The following ZNF804B variants were observed in gnomAD, a reference collection of about 807,000 sequenced individuals.
The protein encoded by ZNF804B is zinc finger protein 804B, also known as zinc finger 804B.
In ZNF804B, 80 loss-of-function variants were observed where a neutral mutation model predicts 101.4. The ratio of observed to expected loss-of-function variants is 0.79; its 90% CI spans 0.66 to 0.95. The LOEUF is 0.95. ZNF804B is among the 40% of genes least tolerant of loss of function. The pLI is 0.00. For missense variants in ZNF804B, 1,673 were observed against 1,561.9 expected, an observed-to-expected ratio of 1.07 and a Z score of -1.20; for synonymous variants, 622 against 558.8, an observed-to-expected ratio of 1.11 and a Z score of -1.59.
At chr7:89,200,052 A>T (rs113946927) in intron 1 of ZNF804B, among the ~76,000 whole-genome samples, 1 of 151,264 alleles carries the variant, frequency 6.6e-6, no homozygotes, top group Non-Finnish European at 1.5e-5. Flanking sequence ...TGTGCTTTTC[A>T]TGTTTGAACT....
At position 89,204,700 on chromosome 7, in the gene ZNF804B, G is replaced by A. The variant is rs182171570; in HGVS notation, c.109-13455G>A. 3.6e-3 allele frequency among the ~76,000 whole-genome samples: 553 copies of A among 152,264 alleles called. 1 individual carries two copies. Among genetic ancestry groups the A allele is most frequent in the Middle Eastern group, 0.01 (3 of 294 alleles). On this transcript the variant is annotated intron_variant, in intron 1 of 3. Transcript: ENST00000333190. ...TGTAGTCATCATGTGGCATGGATTTGATTATTCTTATACCATACATTGTTT... is the reference window on the plus strand; with the variant it reads ...TGTAGTCATCATGTGGCATGGATTTAATTATTCTTATACCATACATTGTTT...
chr7:88,803,300 A>G (rs1790636906), intron 1 of ZNF804B, among the ~76,000 whole-genome samples: 1 of 152,176 alleles, frequency 6.6e-6, no homozygotes, highest in Non-Finnish European at 1.5e-5. Context: ...CATGAACCAA[A>G]TTGAACAAAG....
chr7:88,846,545 G>A (rs796894061), intron 1 of ZNF804B, among the ~76,000 whole-genome samples: 11 of 152,244 alleles, frequency 7.2e-5, no homozygotes, highest in African/African-American at 2.4e-4. Context: ...CTCAAGGCCT[G>A]GCACAGTCAG....
intron 1 of ZNF804B, chr7:88,794,183 A>G (rs1347939822): frequency 6.2e-7 from 1 of 1,601,564 alleles, no homozygotes; most frequent in African/African-American, 1.3e-5. Flanking sequence ...TCTCAATCCT[A>G]GAAACGTGAA....
chr7:88,911,958 T>C (rs1181041616), intron 1 of ZNF804B, among the ~76,000 whole-genome samples: 1 of 151,968 alleles, frequency 6.6e-6, no homozygotes, highest in African/African-American at 2.4e-5. Context: ...ACTTTTTTCC[T>C]GTGTATTTCC....
intron 2 of ZNF804B, among the ~76,000 whole-genome samples, chr7:89,290,313 C>T (rs562411591): frequency 6.6e-6 from 1 of 152,240 alleles, no homozygotes; most frequent in African/African-American, 2.4e-5. Context: ...TGAGAGAGAA[C>T]TTCTGCTTGA....
chr7:89,286,086 T>C (rs1047192390), intron 2 of ZNF804B, among the ~76,000 whole-genome samples: 1 of 152,178 alleles, frequency 6.6e-6, no homozygotes, highest in Non-Finnish European at 1.5e-5. Flanking sequence ...AAAGTTCTTT[T>C]GATGTTGAAA....
At chr7:88,904,672 G>A (rs1792441743) in intron 1 of ZNF804B, among the ~76,000 whole-genome samples, 1 of 151,852 alleles carries the variant, frequency 6.6e-6, no homozygotes, top group Non-Finnish European at 1.5e-5. Flanking sequence ...CATCTCTTTG[G>A]TTAGCTGTAT....
Position 89,171,288 on chromosome 7 carries a change from G to GCTGCTTCTT in ZNF804B, c.109-46865_109-46864insGCTTCTTCT, listed in dbSNP as rs1215246589. Among the ~76,000 whole-genome samples, 192 of 82,534 alleles carry GCTGCTTCTT rather than the reference G, an allele frequency of 2.3e-3. 1 individual carries two copies. The highest frequency in any genetic ancestry group is 5.8e-3 in the Admixed American group (50 of 8,562). 54.1% of individuals were successfully genotyped at this position (82,534 alleles called of 152,430 possible). On this transcript the variant is annotated intron_variant, in intron 1 of 3. Transcript: ENST00000333190. ...AGTAGGCACAAATAATGCTGCTGCT[G>GCTGCTTCTT]CTTCTTCTTCTTCTTCTTCTTCTTC...
chr7:88,945,663 C>T (rs1284905974), intron 1 of ZNF804B, among the ~76,000 whole-genome samples: 1 of 152,068 alleles, frequency 6.6e-6, no homozygotes, highest in Admixed American at 6.6e-5. Flanking sequence ...AGCATTAAAT[C>T]TATAAATTAC....
intron 2 of ZNF804B, among the ~76,000 whole-genome samples, chr7:89,228,949 G>A (rs1789142038): frequency 5.3e-5 from 8 of 152,186 alleles, no homozygotes; most frequent in Admixed American, 5.2e-4. Flanking sequence ...GAGAAATTGA[G>A]CACAGCAGCT....
intron 2 of ZNF804B, among the ~76,000 whole-genome samples, chr7:89,316,252 C>T (rs1053984035): frequency 3.3e-5 from 5 of 151,998 alleles, no homozygotes; most frequent in Admixed American, 2.0e-4. Flanking sequence ...TACTTGAACC[C>T]TAATAAAATT....
intron 1 of ZNF804B, among the ~76,000 whole-genome samples, chr7:89,138,637 G>A (rs569171249): frequency 1.8e-4 from 27 of 152,118 alleles, no homozygotes; most frequent in African/African-American, 6.5e-4. Flanking sequence ...GAAATAATAT[G>A]GTTTGGCTGT....
intron 1 of ZNF804B, among the ~76,000 whole-genome samples, chr7:88,787,663 A>T (rs1790322366): frequency 6.6e-6 from 1 of 152,176 alleles, no homozygotes; most frequent in African/African-American, 2.4e-5. Context: ...TAATCGTAAA[A>T]TACAGATCCT....
intron 1 of ZNF804B, among the ~76,000 whole-genome samples, chr7:88,807,154 G>T (rs1790704639): frequency 6.6e-6 from 1 of 152,186 alleles, no homozygotes; most frequent in Admixed American, 6.5e-5. Flanking sequence ...TATTTTAAGG[G>T]AAAACTAAAG....
At chr7:88,878,770 GATAA>G (rs1450639276) in intron 1 of ZNF804B, among the ~76,000 whole-genome samples, 7 of 152,052 alleles carry the variant, frequency 4.6e-5, no homozygotes, top group East Asian at 1.9e-4. Flanking sequence ...ATCTTAATGA[GATAA>G]ATAAATCAGT....
At chr7:89,034,327 A>G (rs1436917639) in intron 1 of ZNF804B, among the ~76,000 whole-genome samples, 1 of 152,056 alleles carries the variant, frequency 6.6e-6, no homozygotes. Context: ...GGTTTGTTAC[A>G]TAGGTATACA....
chr7:88,870,232 A>G (rs1218815710), intron 1 of ZNF804B, among the ~76,000 whole-genome samples: 1 of 150,756 alleles, frequency 6.6e-6, no homozygotes, highest in African/African-American at 2.5e-5. Flanking sequence ...TAAAAATACA[A>G]AAATTAGCCG....
intron 1 of ZNF804B, among the ~76,000 whole-genome samples, chr7:89,092,214 C>T (rs964946576): frequency 8.6e-5 from 13 of 151,362 alleles, no homozygotes; most frequent in East Asian, 2.0e-4. Flanking sequence ...GGTCTCTCTA[C>T]GGGCAGTAAT....
Sources: gnomAD v4.1 joint callset for allele counts (sites outside exome capture counted in the v4.1 genomes callset) on GRCh38, gnomAD v4.1.1 for gene constraint, MANE v1.5 for transcripts, NCBI Gene and HGNC (gene_info 2026-07-23, HGNC 2026-07-21) for gene names.